CLSTN2: variants seen among roughly 807,000 people sequenced by gnomAD.
CLSTN2 encodes calsyntenin 2.
A neutral mutation model predicts 101.2 loss-of-function variants in CLSTN2; 48 were observed. That is an observed-to-expected ratio of 0.47 (90% CI 0.38 to 0.60). The LOEUF (loss-of-function observed/expected upper bound fraction) is 0.60. Ranked by LOEUF, CLSTN2 falls within the 20% of genes least tolerant of loss-of-function variation. The probability of loss-of-function intolerance (pLI) is 0.00; values close to 1 mark genes in which losing one functional copy is unlikely to be tolerated. For missense variants in CLSTN2, 1,160 were observed against 1,238.2 expected (o/e 0.94, Z 0.95); for synonymous variants, 481 against 463.6 (o/e 1.04, Z -0.48).
chr3:140,476,712 G>T (rs1201339661), intron 8 of CLSTN2, among the ~76,000 whole-genome samples: 1 of 146,432 alleles, frequency 6.8e-6, no homozygotes, highest in Admixed American at 7.0e-5. Context: ...AGACTGGAGT[G>T]CAGTGGCGTG....
chr3:140,051,887 C>T (rs932541189), intron 1 of CLSTN2, among the ~76,000 whole-genome samples: 1 of 152,204 alleles, frequency 6.6e-6, no homozygotes, highest in African/African-American at 2.4e-5. Context: ...GTGGCCCCCA[C>T]CCCACAGTTG....
In CLSTN2 at chr3:140,546,502, T is replaced by A. The variant is rs1364011033; in HGVS notation, c.1508-13T>A. Reference sequence around the variant, plus strand: ...AGTCTTCACAGGGCAAATGATGGTGTTTGTTTTTTCAGGAGGAGAAGTCAC... The same window carrying A: ...AGTCTTCACAGGGCAAATGATGGTGATTGTTTTTTCAGGAGGAGAAGTCAC... On this transcript the variant is annotated splice_polypyrimidine_tract_variant and intron_variant, in intron 9 of 16. Coordinates refer to ENST00000458420, the MANE Select transcript of CLSTN2 (RefSeq NM_022131.3). The A allele has an allele frequency of 1.2e-6, 2 of 1,612,950 alleles. No individual in the cohort carries two copies. Among genetic ancestry groups the A allele is most frequent in the South Asian group, 1.1e-5 (1 of 90,852 alleles).
Position 140,137,140 on chromosome 3 carries a change from A to T in CLSTN2, c.110-38811A>T, listed in dbSNP as rs550740268. ...TATTATGAAGAGAGAACCATTGGTG[A>T]GGGATACTCCTGTTATCAGGAACAA... On this transcript the variant is annotated intron_variant, in intron 1 of 16. Transcript: ENST00000458420. Among the ~76,000 whole-genome samples, 24 of 152,258 alleles carry T rather than the reference A, an allele frequency of 1.6e-4. No homozygotes were observed. In the South Asian group the frequency reaches 3.5e-3, roughly 22 times the overall value.
chr3:140,525,774 C>T (rs1237419666), intron 8 of CLSTN2, among the ~76,000 whole-genome samples: 1 of 152,104 alleles, frequency 6.6e-6, no homozygotes, highest in East Asian at 1.9e-4. Context: ...TGATTCAACA[C>T]ATGCAAATCT....
chr3:140,522,678 T>C (rs1025206599), intron 8 of CLSTN2, among the ~76,000 whole-genome samples: 6 of 152,244 alleles, frequency 3.9e-5, no homozygotes, highest in African/African-American at 1.4e-4. Context: ...GGATATTTGT[T>C]GGAATTTATC....
intron 2 of CLSTN2, among the ~76,000 whole-genome samples, chr3:140,200,156 C>T (rs911787379): frequency 2.0e-5 from 3 of 152,150 alleles, no homozygotes; most frequent in East Asian, 3.9e-4. Context: ...ATGAACCAGT[C>T]CCAAGTTTGA....
chr3:140,118,839 C>T (rs1387973687), intron 1 of CLSTN2, among the ~76,000 whole-genome samples: 1 of 152,130 alleles, frequency 6.6e-6, no homozygotes, highest in African/African-American at 2.4e-5. Context: ...AAAGGGGCTC[C>T]CCAAGTGATG....
intron 1 of CLSTN2, among the ~76,000 whole-genome samples, chr3:139,936,121 C>A (rs949970977): frequency 6.6e-6 from 1 of 152,164 alleles, no homozygotes; most frequent in Non-Finnish European, 1.5e-5. Flanking sequence ...CCTAACCTGG[C>A]ACCACTCCCC....
intron 2 of CLSTN2, among the ~76,000 whole-genome samples, chr3:140,253,750 A>G (rs989969192): frequency 2.4e-4 from 36 of 152,006 alleles, no homozygotes; most frequent in African/African-American, 8.0e-4. Context: ...ACAGGAACCC[A>G]CCAAAGGGTT....
rs371133252 is a variant in CLSTN2 at position 140,004,228 on chromosome 3, G to C, written c.109+68745G>C. Reference sequence around the variant, plus strand: ...ATTAATTAAATAAGTACCTTCATTAGTATGCAGTTCTCTTGTTTACTTATA... The same window carrying C: ...ATTAATTAAATAAGTACCTTCATTACTATGCAGTTCTCTTGTTTACTTATA... On this transcript the variant is annotated intron_variant, in intron 1 of 16. Transcript: ENST00000458420. Among the ~76,000 whole-genome samples, 4 of 152,204 alleles carry C rather than the reference G, an allele frequency of 2.6e-5. No individual in the cohort carries two copies. The East Asian group carries it at 7.7e-4, about 29-fold the overall frequency.
intron 1 of CLSTN2, among the ~76,000 whole-genome samples, chr3:140,157,302 A>T (rs538627497): frequency 3.3e-5 from 5 of 152,180 alleles, no homozygotes; most frequent in Middle Eastern, 6.8e-3. Context: ...GAAGAGTTTC[A>T]GTAGGATTGT....
intron 2 of CLSTN2, among the ~76,000 whole-genome samples, chr3:140,335,745 C>T (rs1420289289): frequency 3.3e-5 from 5 of 152,198 alleles, no homozygotes; most frequent in Non-Finnish European, 7.3e-5. Flanking sequence ...TCCTGCGATG[C>T]TAAAATTAAT....
At chr3:140,385,542 G>T (rs879525426) in intron 2 of CLSTN2, among the ~76,000 whole-genome samples, 75 of 151,276 alleles carry the variant, frequency 5.0e-4, no homozygotes, top group Non-Finnish European at 9.7e-4. Context: ...CTAATTTTTT[G>T]TTGTTGTTGT....
At chr3:140,029,484 C>G (rs915705817) in intron 1 of CLSTN2, among the ~76,000 whole-genome samples, 1 of 152,122 alleles carries the variant, frequency 6.6e-6, no homozygotes. Flanking sequence ...CCTGCAAGAC[C>G]TGAGTCCCAC....
intron 1 of CLSTN2, among the ~76,000 whole-genome samples, chr3:139,949,394 G>C (rs919031550): frequency 6.6e-6 from 1 of 152,144 alleles, no homozygotes; most frequent in Non-Finnish European, 1.5e-5. Context: ...GGGATCCCCA[G>C]TGTTCATCTC....
Position 140,564,071 on chromosome 3 carries a change from G to A in CLSTN2, c.2593G>A (p.Glu865Lys), listed in dbSNP as rs756270311. The change falls in exon 16 of 17, where the codon GAG (glutamate) becomes AAG (lysine). Residue 865 changes from glutamate (E) to lysine (K), a missense_variant. Coordinates refer to ENST00000458420, the MANE Select transcript of CLSTN2 (RefSeq NM_022131.3). ...GATCGCCCACCAGCACTTCATCCAGGAGACTGAGGCTGCCAAGGAATCTGA... is the reference window on the plus strand; with the variant it reads ...GATCGCCCACCAGCACTTCATCCAGAAGACTGAGGCTGCCAAGGAATCTGA... ...VRIAHQHFIQETEAAKESEMD... is the reference protein window; with the variant it reads ...VRIAHQHFIQKTEAAKESEMD... 2 of 1,614,154 alleles carry A rather than the reference G, an allele frequency of 1.2e-6. No homozygotes were observed. The highest frequency in any genetic ancestry group is 1.3e-5 in the African/African-American group (1 of 75,044).
intron 16 of CLSTN2, 108 bp downstream of exon 16, chr3:140,564,253 C>G: frequency 2.1e-6 from 2 of 946,426 alleles, no homozygotes; most frequent in Non-Finnish European, 3.3e-6. Context: ...TCTGGAAGCC[C>G]TGCCCCATCT....
intron 1 of CLSTN2, among the ~76,000 whole-genome samples, chr3:140,148,267 C>A (rs1381098460): frequency 6.6e-6 from 1 of 152,318 alleles, no homozygotes; most frequent in Non-Finnish European, 1.5e-5. Context: ...CATCAGGCAC[C>A]AAGGAGAGCT....
At chr3:140,086,132 C>A (rs1239339623) in intron 1 of CLSTN2, among the ~76,000 whole-genome samples, 1 of 152,198 alleles carries the variant, frequency 6.6e-6, no homozygotes, top group Admixed American at 6.5e-5. Flanking sequence ...ACAGGAATGA[C>A]AAATGGATTT....
Sources: gnomAD v4.1 joint callset for allele counts (sites outside exome capture counted in the v4.1 genomes callset) on GRCh38, gnomAD v4.1.1 for gene constraint, MANE v1.5 for transcripts, NCBI Gene and HGNC (gene_info 2026-07-23, HGNC 2026-07-21) for gene names.